Variants in SMR3A observed in about 807,000 individuals in gnomAD.
SMR3A encodes the protein submaxillary gland androgen-regulated protein 3A.
For synonymous variants in SMR3A, 48 were observed against 57.4 expected (o/e 0.84, Z 0.74); for missense variants, 188 against 163.0 (o/e 1.15, Z -0.84).
At chr4:70,366,126 C>G (rs1732255201) in intron 2 of SMR3A, among the ~76,000 whole-genome samples, 1 of 151,930 alleles carries the variant, frequency 6.6e-6, no homozygotes, top group African/African-American at 2.4e-5. Flanking sequence ...CCTTTAAAAA[C>G]TCATTATTAT....
chr4:70,360,925 A>C (rs919514553), intron 1 of SMR3A, 83 bp downstream of exon 1: 8 of 151,888 alleles, frequency 5.3e-5, no homozygotes, highest in African/African-American at 1.7e-4. Flanking sequence ...TATCACCAAA[A>C]ACATAAGCAC....
At chr4:70,361,983 T>C in intron 1 of SMR3A, 119 bp from the exon 2 acceptor site, 2 of 1,462,824 alleles carry the variant, frequency 1.4e-6, no homozygotes. Flanking sequence ...TTAGGCAAAT[T>C]TCCTAAAAAG....
intron 2 of SMR3A, among the ~76,000 whole-genome samples, chr4:70,366,007 A>T (rs1486635443): frequency 3.3e-5 from 5 of 152,062 alleles, no homozygotes; most frequent in Admixed American, 1.3e-4. Flanking sequence ...CTAGGTATTC[A>T]GAGGGCAAAA....
chr4:70,363,194 A>G (rs1435866941), intron 2 of SMR3A, among the ~76,000 whole-genome samples: 1 of 151,988 alleles, frequency 6.6e-6, no homozygotes, highest in Non-Finnish European at 1.5e-5. Context: ...GGCTTTTATT[A>G]TACAAATAGT....
Position 70,366,894 on chromosome 4 carries a change from A to T in SMR3A, c.305A>T (p.Tyr102Phe). 6.2e-7 allele frequency: 1 copy of T among 1,613,564 alleles called. No homozygotes were observed. The highest frequency in any genetic ancestry group is 8.5e-7 in the Non-Finnish European group (1 of 1,179,766). Residue 102 changes from tyrosine (Y) to phenylalanine (F), a missense_variant, in exon 3 of 3, where the codon TAT becomes TTT. Tyr to Phe is a conservative substitution (Grantham distance 22, BLOSUM62 3). Transcript: ENST00000226460. ...CTTCCTCCTCCTTATGGCCCAGGTT[A>T]TCCACAGCCACCTTCCCAACCAAGA... is the stretch of plus-strand genomic sequence containing the variant. ...HSLPPPYGPG[Y>F]PQPPSQPRPY...
chr4:70,363,671 C>T (rs771080693), intron 2 of SMR3A, among the ~76,000 whole-genome samples: 7 of 151,832 alleles, frequency 4.6e-5, no homozygotes, highest in Non-Finnish European at 7.4e-5. Context: ...GGAAAGGGAG[C>T]TTATCACTGC....
At chr4:70,366,044 G>T (rs1339325314) in intron 2 of SMR3A, among the ~76,000 whole-genome samples, 2 of 151,948 alleles carry the variant, frequency 1.3e-5, no homozygotes, top group African/African-American at 4.8e-5. Flanking sequence ...TGATACAGAA[G>T]TTCATACATC....
rs763272054 is a variant in SMR3A, at chr4:70,366,842, G to C, written c.253G>C (p.Gly85Arg). Residue 85 changes from glycine (G) to arginine (R), a missense_variant, in exon 3 of 3, where the codon GGT becomes CGT. Gly to Arg is a moderately radical substitution (Grantham distance 125). Transcript: ENST00000226460. ...RIPPSPPPPYGPGRIQSHSLP... is the reference protein window; with the variant it reads ...RIPPSPPPPYRPGRIQSHSLP... ...CCCACCATCCCCTCCTCCACCCTAT[G>C]GTCCAGGGAGAATTCAATCACACTC... 6 of 1,613,218 alleles carry C rather than the reference G, an allele frequency of 3.7e-6. No homozygotes were observed. In the African/African-American group the frequency reaches 8.0e-5, roughly 22 times the overall value.
chr4:70,365,207 C>A (rs1265328199), intron 2 of SMR3A, among the ~76,000 whole-genome samples: 2 of 151,942 alleles, frequency 1.3e-5, no homozygotes, highest in African/African-American at 4.8e-5. Flanking sequence ...CTCTTTAAAT[C>A]CCTAATGTAT....
At chr4:70,362,211 C>G (rs1489991166) in intron 2 of SMR3A, 42 bp downstream of exon 2, 11 of 1,609,642 alleles carry the variant, frequency 6.8e-6, no homozygotes, top group Non-Finnish European at 9.3e-6. Context: ...TATACTTTCT[C>G]ATTAACCATT....
chr4:70,364,282 G>A (rs1048765055), intron 2 of SMR3A, among the ~76,000 whole-genome samples: 3 of 151,842 alleles, frequency 2.0e-5, no homozygotes, highest in East Asian at 1.9e-4. Flanking sequence ...AGGTGAAAGC[G>A]GCAAGATTAG....
At chr4:70,365,697 C>T (rs140563155) in intron 2 of SMR3A, among the ~76,000 whole-genome samples, 20 of 152,112 alleles carry the variant, frequency 1.3e-4, no homozygotes, top group Non-Finnish European at 2.4e-4. Flanking sequence ...TCATAGAAGA[C>T]ATGTTTGTAC....
Position 70,366,890 on chromosome 4 carries a change from G to C in SMR3A, c.301G>C (p.Gly101Arg). The change falls in exon 3 of 3, where the codon GGT becomes CGT. Residue 101 changes from glycine to arginine, a missense_variant. By Grantham distance (125) the Gly-to-Arg change is moderately radical. Transcript: ENST00000226460. ...CTCTCTTCCTCCTCCTTATGGCCCAGGTTATCCACAGCCACCTTCCCAACC... is the reference window on the plus strand; with the variant it reads ...CTCTCTTCCTCCTCCTTATGGCCCACGTTATCCACAGCCACCTTCCCAACC... ...SHSLPPPYGP[G>R]YPQPPSQPRP... The C allele has an allele frequency of 1.2e-6, 2 of 1,613,502 alleles. No individual in the cohort carries two copies. Among genetic ancestry groups the C allele is most frequent in the South Asian group, 2.2e-5 (2 of 91,048 alleles).
chr4:70,363,054 G>C (rs1732181553), intron 2 of SMR3A, among the ~76,000 whole-genome samples: 1 of 151,834 alleles, frequency 6.6e-6, no homozygotes, highest in African/African-American at 2.4e-5. Flanking sequence ...CATTATGGGT[G>C]GACATAATTT....
intron 2 of SMR3A, among the ~76,000 whole-genome samples, chr4:70,364,951 C>A (rs1332884370): frequency 6.6e-6 from 1 of 151,974 alleles, no homozygotes; most frequent in Non-Finnish European, 1.5e-5. Context: ...AATGGCCAGA[C>A]AAATAGGTGA....
intron 2 of SMR3A, among the ~76,000 whole-genome samples, chr4:70,363,800 T>C (rs560053038): frequency 6.6e-6 from 1 of 152,052 alleles, no homozygotes; most frequent in African/African-American, 2.4e-5. Context: ...AATTTTTTAA[T>C]TGTCTCAACA....
chr4:70,366,221 G>T (rs1454150081), intron 2 of SMR3A, among the ~76,000 whole-genome samples: 1 of 151,450 alleles, frequency 6.6e-6, no homozygotes, highest in Non-Finnish European at 1.5e-5. Context: ...TGTGTCCATT[G>T]CTGTATTTTT....
chr4:70,366,795 C>T lies in SMR3A; in HGVS notation c.206C>T (p.Pro69Leu). The change falls in exon 3 of 3, where the codon CCA (proline) becomes CTA (leucine). Residue 69 changes from proline (P) to leucine (L), a missense_variant. Pro to Leu is a moderately conservative substitution (Grantham distance 98). Transcript: ENST00000226460. ...GGGAGATTTCCACCACCCCTTTCTC[C>T]ACCCTATGGTCCAGGGAGAATCCCA... ...GPGRFPPPLS[P>L]PYGPGRIPPS... 1 of 1,613,494 alleles carries T rather than the reference C, an allele frequency of 6.2e-7. No individual in the cohort carries two copies. The highest frequency in any genetic ancestry group is 1.1e-5 in the South Asian group (1 of 91,064).
At chr4:70,366,332 TG>T (rs1732260567) in intron 2 of SMR3A, among the ~76,000 whole-genome samples, 2 of 151,836 alleles carry the variant, frequency 1.3e-5, no homozygotes, top group Middle Eastern at 3.2e-3. Flanking sequence ...TTGCTGCCTA[TG>T]AGCCAGGGGC....
Sources: allele counts gnomAD v4.1 joint callset (sites outside exome capture counted in the v4.1 genomes callset), GRCh38; gene constraint gnomAD v4.1.1; transcripts MANE v1.5; gene names NCBI Gene and HGNC (gene_info 2026-07-23, HGNC 2026-07-21).